ZNF416: variants seen among roughly 807,000 people sequenced by gnomAD.
ZNF416 encodes the protein zinc finger protein 416.
ZNF416 carries 5 observed loss-of-function variants against 10.9 expected under a neutral mutation model. That is an observed-to-expected ratio of 0.46 (90% confidence interval 0.24 to 0.97). ZNF416 has a LOEUF of 0.97. Ranked by LOEUF, ZNF416 falls within the 50% of genes least tolerant of loss-of-function variation. The pLI is 0.19. For missense variants in ZNF416, 675 were observed against 715.0 expected (o/e 0.94, Z 0.64); for synonymous variants, 267 against 251.8 (o/e 1.06, Z -0.57).
Position 57,573,179 on chromosome 19 carries a change from T to C in ZNF416, c.725A>G (p.Tyr242Cys). Reference protein sequence around the residue: ...HPRVCTGKRLYESSKCGKACC... With the variant: ...HPRVCTGKRLCESSKCGKACC... ...GGCTTTCCCACATTTGCTAGATTCA[T>C]AAAGCCTTTTTCCAGTGCAGACTCT... The change falls in exon 4 of 4, where the codon TAT becomes TGT. Residue 242 changes from tyrosine to cysteine, a missense_variant. Tyr to Cys is a radical substitution (Grantham distance 194, BLOSUM62 -2). Transcript: ENST00000196489. 1 of 1,614,240 alleles carries C rather than the reference T, an allele frequency of 6.2e-7. No homozygotes were observed. The highest frequency in any genetic ancestry group is 8.5e-7 in the Non-Finnish European group (1 of 1,180,036).
At chr19:57,578,598 G>A (rs755607063) in intron 1 of ZNF416, 74 bp downstream of exon 1, 309 of 1,436,186 alleles carry the variant, frequency 2.2e-4, no homozygotes, top group Non-Finnish European at 2.2e-4. Flanking sequence ...AGGGACGCAA[G>A]CAGGCGCCCC....
At chr19:57,578,576 G>A (rs975445067) in intron 1 of ZNF416, 96 bp downstream of exon 1, 3 of 1,362,784 alleles carry the variant, frequency 2.2e-6, no homozygotes, top group Non-Finnish European at 2.9e-6. Context: ...CTGGACTCTA[G>A]GGTCGGGCTG....
At position 57,573,113 on chromosome 19, in the gene ZNF416, T is replaced by A; in HGVS notation, c.791A>T (p.His264Leu). 1 of 1,614,208 alleles carries A rather than the reference T, an allele frequency of 6.2e-7. No homozygotes were observed. Among genetic ancestry groups the A allele is most frequent in the South Asian group, 1.1e-5 (1 of 91,082 alleles). Residue 264 changes from histidine (H) to leucine (L), a missense_variant, in exon 4 of 4, where the codon CAC becomes CTC. His to Leu is a moderately conservative substitution (Grantham distance 99). Transcript: ENST00000196489. ...GCACTCATAAGGCCTTTCTCCAGGG[T>A]GGACTCTTTGCAGCTGAACAAGGGA... ...ECSLVQLQRV[H>L]PGERPYECSE...
intron 2 of ZNF416, among the ~76,000 whole-genome samples, chr19:57,577,570 C>T (rs549043822): frequency 4.9e-4 from 74 of 152,306 alleles, no homozygotes; most frequent in African/African-American, 1.7e-3. Context: ...TCTTCACTAT[C>T]TTCCTATCTC....
At chr19:57,577,184 AG>A (rs147776701) in intron 2 of ZNF416, among the ~76,000 whole-genome samples, 163 of 152,342 alleles carry the variant, frequency 1.1e-3, no homozygotes, top group African/African-American at 3.7e-3. Context: ...CTAGTCCTGT[AG>A]GATAAACTAT....
chr19:57,574,635 G>A (rs1393672939), intron 3 of ZNF416, among the ~76,000 whole-genome samples: 1 of 152,182 alleles, frequency 6.6e-6, no homozygotes, highest in Non-Finnish European at 1.5e-5. Context: ...AGCAGGATAA[G>A]AAAGAGGCTG....
In ZNF416 at chr19:57,575,792, T is replaced by G. The variant is rs1978509653; in HGVS notation, c.202+12A>C. ...GAAGACCAGGACACGAGAGTGGGTG[T>G]GAGGGCCTTACCCAGCGCAGTTATA... On this transcript the variant is annotated intron_variant, in intron 3 of 3. Transcript: ENST00000196489. The surrounding 1 kb of genome is among the most constrained non-coding windows in gnomAD (Gnocchi z 4.4). The G allele has an allele frequency of 1.2e-6, 2 of 1,613,892 alleles. No individual in the cohort carries two copies. Among genetic ancestry groups the G allele is most frequent in the Admixed American group, 1.7e-5 (1 of 59,996 alleles).
chr19:57,577,326 T>A (rs895737029), intron 2 of ZNF416, among the ~76,000 whole-genome samples: 11 of 152,224 alleles, frequency 7.2e-5, no homozygotes, highest in African/African-American at 2.7e-4. Flanking sequence ...AATTTCTGAT[T>A]ATCTCTAGAG....
In ZNF416 at chr19:57,573,453, T is replaced by C; in HGVS notation, c.451A>G (p.Ser151Gly). The C allele has an allele frequency of 1.2e-6, 2 of 1,614,244 alleles. No individual in the cohort carries two copies. Among genetic ancestry groups the C allele is most frequent in the Non-Finnish European group, 1.7e-6 (2 of 1,180,036 alleles). Residue 151 changes from serine (S) to glycine (G), a missense_variant, in exon 4 of 4, where the codon AGT (serine) becomes GGT (glycine). Physicochemically the swap from Ser to Gly is moderately conservative, Grantham distance 56. Transcript: ENST00000196489. ...KHHSAEKPLESDMDKASFVQC... is the reference protein window; with the variant it reads ...KHHSAEKPLEGDMDKASFVQC... Reference sequence around the variant, plus strand: ...ACAAATGAGGCCTTGTCCATGTCACTTTCCAAGGGTTTCTCTGCACTATGA... The same window carrying C: ...ACAAATGAGGCCTTGTCCATGTCACCTTCCAAGGGTTTCTCTGCACTATGA...
Position 57,573,641 on chromosome 19 carries a change from A to G in ZNF416, c.263T>C (p.Val88Ala). ...TPEQSVSVEGVPQVRTPEASP... is the reference protein window; with the variant it reads ...TPEQSVSVEGAPQVRTPEASP... ...GGCCTCTGGAGTCCTGACCTGAGGT[A>G]CTCCTTCTACAGAAACACTTTGCTC... is the stretch of plus-strand genomic sequence containing the variant. Residue 88 changes from valine (V) to alanine (A), a missense_variant, in exon 4 of 4, where the codon GTA becomes GCA. Physicochemically the swap from Val to Ala is moderately conservative, Grantham distance 64 (BLOSUM62 0). Coordinates refer to ENST00000196489, the MANE Select transcript of ZNF416 (RefSeq NM_017879.3). The G allele has an allele frequency of 6.2e-7, 1 of 1,614,046 alleles. No individual in the cohort carries two copies. The highest frequency in any genetic ancestry group is 8.5e-7 in the Non-Finnish European group (1 of 1,179,988).
Position 57,571,913 on chromosome 19 carries a change from C to A in ZNF416, c.*206G>T. 2 of 586,948 alleles carry A rather than the reference C, an allele frequency of 3.4e-6. No individual in the cohort carries two copies. The highest frequency in any genetic ancestry group is 5.3e-5 in the South Asian group (2 of 37,472). 36.4% of individuals were successfully genotyped at this position (586,948 alleles called of 1,614,324 possible). ...ATTTAACTCTGGCAAAGGCCTCCAGCAGTTTAGAACATGCAAAGGAGCTCC... is the reference window on the plus strand; with the variant it reads ...ATTTAACTCTGGCAAAGGCCTCCAGAAGTTTAGAACATGCAAAGGAGCTCC... On this transcript the variant is annotated 3_prime_UTR_variant, in exon 4 of 4. Transcript: ENST00000196489.
In ZNF416 at chr19:57,572,664, G is replaced by T. The variant is rs1231432541; in HGVS notation, c.1240C>A (p.Gln414Lys). 6.2e-7 allele frequency: 1 copy of T among 1,614,020 alleles called. No individual in the cohort carries two copies. Among genetic ancestry groups the T allele is most frequent in the Non-Finnish European group, 8.5e-7 (1 of 1,180,016 alleles). ...TTTAGGCTAAATGATTTCCCACACT[G>T]GCCACACTCATAAGGCCTTGCTGTA... is the stretch of plus-strand genomic sequence containing the variant. The part of the protein sequence containing the change: ...HTTARPYECG[Q>K]CGKSFSLKCG... The change falls in exon 4 of 4, where the codon CAG (glutamine) becomes AAG (lysine). Residue 414 changes from glutamine (Q) to lysine (K), a missense_variant. Transcript: ENST00000196489. The surrounding 1 kb of genome is among the most constrained non-coding windows in gnomAD (Gnocchi z 4.5).
Position 57,578,737 on chromosome 19 carries a change from G to C in ZNF416, c.-33C>G. The C allele has an allele frequency of 6.9e-7, 1 of 1,444,008 alleles. No homozygotes were observed. The highest frequency in any genetic ancestry group is 9.1e-7 in the Non-Finnish European group (1 of 1,093,176). 89.4% of individuals were successfully genotyped at this position (1,444,008 alleles called of 1,614,324 possible). ...TGAGCGGAGCGGGGCCGGGAGCGGC[G>C]GGCGACCCGGGGCGGGAACCCAGGC... On this transcript the variant is annotated 5_prime_UTR_variant, in exon 1 of 4. Transcript: ENST00000196489.
chr19:57,575,791 G>A lies in ZNF416; in HGVS notation c.202+13C>T, dbSNP rs1296523010. The A allele has an allele frequency of 6.2e-7, 1 of 1,613,886 alleles. No individual in the cohort carries two copies. Among genetic ancestry groups the A allele is most frequent in the Non-Finnish European group, 8.5e-7 (1 of 1,179,952 alleles). ...CGAAGACCAGGACACGAGAGTGGGT[G>A]TGAGGGCCTTACCCAGCGCAGTTAT... On this transcript the variant is annotated intron_variant, in intron 3 of 3. Coordinates refer to ENST00000196489, the MANE Select transcript of ZNF416 (RefSeq NM_017879.3). This position sits in a 1 kb window ranked among gnomAD's most constrained non-coding sequence, Gnocchi z 4.4.
At chr19:57,578,179 A>G (rs1978616085) in intron 1 of ZNF416, 81 bp from the exon 2 acceptor site, 1 of 1,442,218 alleles carries the variant, frequency 6.9e-7, no homozygotes, top group Non-Finnish European at 9.8e-7. Context: ...TTCCCTGCGC[A>G]GCCCTGGAGC....
rs1040630512 is a variant in ZNF416, at chr19:57,575,227, C to T, written c.202+577G>A. On this transcript the variant is annotated intron_variant, in intron 3 of 3. Transcript: ENST00000196489. This position sits in a 1 kb window ranked among gnomAD's most constrained non-coding sequence, Gnocchi z 4.4. ...TCCTCTGAAGCCATATTCCCATCTT[C>T]ACCCTTTCCAACAACCAGGGCTTTC... Among the ~76,000 whole-genome samples, 5 of 152,246 alleles carry T rather than the reference C, an allele frequency of 3.3e-5. No individual in the cohort carries two copies. Among genetic ancestry groups the T allele is most frequent in the African/African-American group, 1.2e-4 (5 of 41,474 alleles).
rs759141149 is a variant in ZNF416 at position 57,573,545 on chromosome 19, G to A, written c.359C>T (p.Thr120Ile). ...GTATAGTTCCTGCCCAGGCAAATCG[G>A]TCAGGTGCAAAATGTCGGTCAGGAA... The part of the protein sequence containing the change: ...VPFLTDILHL[T>I]DLPGQELYLT... Residue 120 changes from threonine to isoleucine, a missense_variant, in exon 4 of 4, where the codon ACC (threonine) becomes ATC (isoleucine). Coordinates refer to ENST00000196489, the MANE Select transcript of ZNF416 (RefSeq NM_017879.3). 1.2e-6 allele frequency: 2 copies of A among 1,614,072 alleles called. No individual in the cohort carries two copies. Among genetic ancestry groups the A allele is most frequent in the Admixed American group, 1.7e-5 (1 of 60,008 alleles).
At chr19:57,578,581 G>T (rs1028248397) in intron 1 of ZNF416, 91 bp downstream of exon 1, 2 of 1,377,716 alleles carry the variant, frequency 1.5e-6, no homozygotes, top group Non-Finnish European at 1.9e-6. Context: ...CTCTAGGGTC[G>T]GGCTGCAGGG....
Position 57,573,110 on chromosome 19 carries a change from G to A in ZNF416, c.794C>T (p.Pro265Leu). Reference protein sequence around the residue: ...CSLVQLQRVHPGERPYECSEC... With the variant: ...CSLVQLQRVHLGERPYECSEC... ...ACTGCACTCATAAGGCCTTTCTCCA[G>A]GGTGGACTCTTTGCAGCTGAACAAG... Residue 265 changes from proline to leucine, a missense_variant, in exon 4 of 4, where the codon CCT becomes CTT. By Grantham distance (98) the Pro-to-Leu change is moderately conservative (BLOSUM62 -3). Transcript: ENST00000196489. 6.2e-7 allele frequency: 1 copy of A among 1,614,232 alleles called. No homozygotes were observed. The highest frequency in any genetic ancestry group is 8.5e-7 in the Non-Finnish European group (1 of 1,180,048).
Sources: allele counts gnomAD v4.1 joint callset (sites outside exome capture counted in the v4.1 genomes callset), GRCh38; gene constraint gnomAD v4.1.1; non-coding constraint Gnocchi (gnomAD v3.1); transcripts MANE v1.5; gene names NCBI Gene and HGNC (gene_info 2026-07-23, HGNC 2026-07-21).